Variants in GNB4 observed in about 807,000 individuals in gnomAD.
GNB4 encodes the protein G protein subunit beta 4.
GNB4 carries 28 observed loss-of-function variants against 45.2 expected under a neutral mutation model. That is an observed-to-expected ratio of 0.62 (90% CI 0.46 to 0.85). The LOEUF is 0.85. GNB4 is among the 40% of genes least tolerant of loss of function. The pLI is 0.00. For synonymous variants in GNB4, 132 were observed against 143.7 expected (o/e 0.92, Z 0.58); for missense variants, 321 against 425.4 (o/e 0.75, Z 2.16).
chr3:179,525,556 G>T, the GNB4 span, among the ~76,000 whole-genome samples: 1 of 152,106 alleles, frequency 6.6e-6, no homozygotes, highest in South Asian at 2.1e-4. Context: ...GGGAATGTGG[G>T]TGAATGACCA....
the GNB4 span, among the ~76,000 whole-genome samples, chr3:179,491,200 TC>T: frequency 6.6e-6 from 1 of 152,314 alleles, no homozygotes; most frequent in East Asian, 1.9e-4. Flanking sequence ...AAGAAAAGGT[TC>T]CTGTGCTCAA....
the GNB4 span, among the ~76,000 whole-genome samples, chr3:179,465,904 C>T: frequency 6.7e-6 from 1 of 149,730 alleles, no homozygotes; most frequent in African/African-American, 2.5e-5. Flanking sequence ...GCAATCAATC[C>T]TCTTGCCTCA....
chr3:179,408,192 ATAAT>A (rs1419246476), intron 8 of GNB4, among the ~76,000 whole-genome samples: 1 of 152,214 alleles, frequency 6.6e-6, no homozygotes, highest in African/African-American at 2.4e-5. Context: ...AATATGACCT[ATAAT>A]TAGGAGAAAA....
intron 8 of GNB4, among the ~76,000 whole-genome samples, chr3:179,411,289 A>G (rs1177926641): frequency 6.6e-6 from 1 of 152,142 alleles, no homozygotes; most frequent in East Asian, 1.9e-4. Flanking sequence ...GAGAAATGTC[A>G]CTGTTAAAAT....
intron 8 of GNB4, chr3:179,405,710 TTATAGAA>T: frequency 3.9e-6 from 1 of 258,304 alleles, no homozygotes; most frequent in African/African-American, 2.2e-5. Flanking sequence ...GTACTAATAT[TTATAGAA>T]TATATATGTG....
Position 179,398,641 on chromosome 3 carries a change from T to C in GNB4, c.*2572A>G, listed in dbSNP as rs1486464256. 1 of 152,164 alleles carries C rather than the reference T, an allele frequency of 6.6e-6. No individual in the cohort carries two copies. Among genetic ancestry groups the C allele is most frequent in the African/African-American group, 2.4e-5 (1 of 41,438 alleles). The allele number at this position is 152,164 out of a possible 1,614,324, so 9.4% of individuals were successfully genotyped here. A position where few individuals can be genotyped will look rare whatever the true frequency, so the allele number is the denominator to read the frequency against. On this transcript the variant is annotated 3_prime_UTR_variant, in exon 10 of 10. Transcript: ENST00000232564. ...TAAGATCCAAACTATTCAACATCTC[T>C]ACAAATTATATACTCATTGAATTCA...
the GNB4 span, among the ~76,000 whole-genome samples, chr3:179,477,023 A>G: frequency 2.6e-5 from 4 of 152,174 alleles, no homozygotes; most frequent in Non-Finnish European, 5.9e-5. Context: ...CTCTGAAACT[A>G]TACCCTGAAG....
the GNB4 span, among the ~76,000 whole-genome samples, chr3:179,508,932 G>GTATATATATATATATATATATATATATA: frequency 1.1e-3 from 108 of 102,098 alleles, 2 homozygotes; most frequent in African/African-American, 4.2e-3. Context: ...TTCAGCATGT[G>GTATATATATATATATATATATATATATA]TATATATATA....
the GNB4 span, among the ~76,000 whole-genome samples, chr3:179,461,601 A>C: frequency 2.0e-5 from 3 of 152,354 alleles, no homozygotes; most frequent in South Asian, 6.2e-4. Context: ...GCTGAAATAT[A>C]AATTTCAAGG....
At chr3:179,520,917 G>A in the GNB4 span, among the ~76,000 whole-genome samples, 36 of 151,910 alleles carry the variant, frequency 2.4e-4, no homozygotes, top group Non-Finnish European at 3.8e-4. Flanking sequence ...CCACTAGCCC[G>A]CCTCTTAGAA....
chr3:179,525,304 G>A, the GNB4 span, among the ~76,000 whole-genome samples: 1 of 152,172 alleles, frequency 6.6e-6, no homozygotes, highest in Non-Finnish European at 1.5e-5. Flanking sequence ...AAGCGGTGTT[G>A]CAGAAGAAAA....
At chr3:179,464,976 T>C in the GNB4 span, 1 of 1,541,334 alleles carries the variant, frequency 6.5e-7, no homozygotes, top group Non-Finnish European at 9.0e-7. Context: ...CCCATTGCAA[T>C]GTTACTGCAC....
intron 3 of GNB4, 74 bp downstream of exon 3, chr3:179,420,815 C>A: frequency 1.1e-6 from 1 of 902,112 alleles, no homozygotes; most frequent in Admixed American, 2.0e-5. Context: ...ATACAAGAAT[C>A]TGAATGTCAT....
chr3:179,475,370 C>T, the GNB4 span, among the ~76,000 whole-genome samples: 4 of 151,718 alleles, frequency 2.6e-5, no homozygotes, highest in Non-Finnish European at 5.9e-5. Flanking sequence ...CTGCCCGCCT[C>T]GGCCTCCCAA....
chr3:179,495,366 A>C, the GNB4 span, among the ~76,000 whole-genome samples: 3 of 151,998 alleles, frequency 2.0e-5, no homozygotes, highest in Admixed American at 6.6e-5. Context: ...GGTTCCACCT[A>C]CTTGGGGGGC....
the GNB4 span, among the ~76,000 whole-genome samples, chr3:179,516,543 G>A: frequency 1.3e-5 from 2 of 152,280 alleles, no homozygotes; most frequent in Middle Eastern, 6.8e-3. Context: ...CAATCCCTGA[G>A]CAGTAGTAGA....
chr3:179,480,604 A>G, the GNB4 span, among the ~76,000 whole-genome samples: 171 of 152,086 alleles, frequency 1.1e-3, no homozygotes, highest in African/African-American at 3.6e-3. Context: ...CCCCAACCCC[A>G]TCTACCAACT....
At position 179,413,575 on chromosome 3, in the gene GNB4, G is replaced by C; in HGVS notation, c.536C>G (p.Thr179Arg). The change falls in exon 8 of 10, where the codon ACA (threonine) becomes AGA (arginine). Residue 179 changes from threonine to arginine, a missense_variant. Coordinates refer to ENST00000232564, the MANE Select transcript of GNB4 (RefSeq NM_021629.4). ...WDIETAQQTTTFTGHSGDVMS... is the reference protein window; with the variant it reads ...WDIETAQQTTRFTGHSGDVMS... Reference sequence around the variant, plus strand: ...CACATCTCCAGAATGCCCAGTGAATGTGGTGGTCTGCTGGGCAGTTTCGAT... The same window carrying C: ...CACATCTCCAGAATGCCCAGTGAATCTGGTGGTCTGCTGGGCAGTTTCGAT... 6.2e-7 allele frequency: 1 copy of C among 1,614,166 alleles called. No individual in the cohort carries two copies.
chr3:179,516,300 A>G, the GNB4 span, among the ~76,000 whole-genome samples: 1 of 152,350 alleles, frequency 6.6e-6, no homozygotes, highest in Non-Finnish European at 1.5e-5. Context: ...TTTGGACTGT[A>G]CAGAGGTGGG....
Sources: gnomAD v4.1 joint callset for allele counts (sites outside exome capture counted in the v4.1 genomes callset) on GRCh38, gnomAD v4.1.1 for gene constraint, MANE v1.5 for transcripts, NCBI Gene and HGNC (gene_info 2026-07-23, HGNC 2026-07-21) for gene names.